SMU1: variants seen among roughly 807,000 people sequenced by gnomAD.
SMU1 encodes SMU1 DNA replication regulator and spliceosomal factor.
Under a neutral mutation model 62.0 loss-of-function variants are expected in SMU1, and 2 were observed. The ratio of observed to expected loss-of-function variants is 0.03; its 90% CI spans 0.01 to 0.10. The LOEUF (loss-of-function observed/expected upper bound fraction) is 0.10. Ranked by LOEUF, SMU1 falls within the 10% of genes least tolerant of loss-of-function variation. The probability of loss-of-function intolerance (pLI) is 1.00; values close to 1 mark genes in which losing one functional copy is unlikely to be tolerated. For missense variants in SMU1, 227 were observed against 622.1 expected (o/e 0.36, Z 6.76); for synonymous variants, 188 against 212.4 (o/e 0.89, Z 1.00).
intron 5 of SMU1, among the ~76,000 whole-genome samples, chr9:33,061,813 G>A (rs1169762600): frequency 6.6e-6 from 1 of 152,214 alleles, no homozygotes; most frequent in Non-Finnish European, 1.5e-5. Context: ...TGCAAGGGCA[G>A]ATGGTGGGCT....
chr9:33,062,093 C>T lies in SMU1; in HGVS notation c.586G>A (p.Val196Met). Residue 196 changes from valine (V) to methionine (M), a missense_variant, in exon 5 of 12, where the codon GTG (valine) becomes ATG (methionine). This residue lies in a region of SMU1 where 99 missense variants were observed against 270.3 expected (regional missense o/e 0.37). Transcript: ENST00000397149. ...TGTGTAGGAAACTTTTCTTCTTCCACATCTTTGACAGCTGCCTTGCCTCGA... is the reference window on the plus strand; with the variant it reads ...TGTGTAGGAAACTTTTCTTCTTCCATATCTTTGACAGCTGCCTTGCCTCGA... ...LFRGKAAVKD[V>M]EEEKFPTQLS... The T allele has an allele frequency of 1.2e-6, 2 of 1,614,082 alleles. No homozygotes were observed. Among genetic ancestry groups the T allele is most frequent in the Non-Finnish European group, 1.7e-6 (2 of 1,179,984 alleles).
intron 4 of SMU1, among the ~76,000 whole-genome samples, chr9:33,066,992 G>T (rs1451343707): frequency 6.6e-6 from 1 of 152,074 alleles, no homozygotes; most frequent in Admixed American, 6.6e-5. Context: ...GAAAAAAAAG[G>T]ACTTTTGACG....
At chr9:33,052,668 T>C (rs1442327133) in intron 10 of SMU1, among the ~76,000 whole-genome samples, 1 of 152,204 alleles carries the variant, frequency 6.6e-6, no homozygotes, top group Non-Finnish European at 1.5e-5. Flanking sequence ...AAAAGTGAGA[T>C]TCCTTGAGAA....
chr9:33,054,577 T>G (rs1386882588), intron 9 of SMU1, among the ~76,000 whole-genome samples: 1 of 152,206 alleles, frequency 6.6e-6, no homozygotes, highest in East Asian at 1.9e-4. Flanking sequence ...AAGGGTTAAA[T>G]CAGGTAGCAC....
intron 6 of SMU1, among the ~76,000 whole-genome samples, chr9:33,059,611 GT>G (rs1192025947): frequency 1.4e-5 from 2 of 145,006 alleles, no homozygotes; most frequent in Non-Finnish European, 1.5e-5. Context: ...GTTTTGTTTT[GT>G]TTTTTCCCCC....
intron 4 of SMU1, among the ~76,000 whole-genome samples, chr9:33,063,687 T>A (rs1359474268): frequency 2.0e-5 from 3 of 149,658 alleles, no homozygotes; most frequent in African/African-American, 4.9e-5. Flanking sequence ...TGAACCCTAT[T>A]TTGAAATGCG....
At chr9:33,063,509 T>A (rs1225923844) in intron 4 of SMU1, among the ~76,000 whole-genome samples, 1 of 152,236 alleles carries the variant, frequency 6.6e-6, no homozygotes, top group African/African-American at 2.4e-5. Flanking sequence ...ATTTTTGGTA[T>A]CATTTAAAAC....
Position 33,044,804 on chromosome 9 carries a change from C to A in SMU1, c.*2489G>T, listed in dbSNP as rs967152888. On this transcript the variant is annotated 3_prime_UTR_variant, in exon 12 of 12. Coordinates refer to ENST00000397149, the MANE Select transcript of SMU1 (RefSeq NM_018225.3). ...CGGCTCCTAATCCAGCTCTCTTTGCCTGGTCTCCCAAGACACCTATCATTT... is the reference window on the plus strand; with the variant it reads ...CGGCTCCTAATCCAGCTCTCTTTGCATGGTCTCCCAAGACACCTATCATTT... 6 of 152,200 alleles carry A rather than the reference C, an allele frequency of 3.9e-5. No individual in the cohort carries two copies. The highest frequency in any genetic ancestry group is 7.3e-5 in the Non-Finnish European group (5 of 68,058). 9.4% of individuals were successfully genotyped at this position (152,200 alleles called of 1,614,324 possible). A position where few individuals can be genotyped will look rare whatever the true frequency, so the allele number is the denominator to read the frequency against.
intron 9 of SMU1, among the ~76,000 whole-genome samples, chr9:33,053,984 A>G (rs968583068): frequency 1.3e-5 from 2 of 152,132 alleles, no homozygotes; most frequent in African/African-American, 4.8e-5. Context: ...CCTTGTCTGG[A>G]TATCAAAACC....
Position 33,046,258 on chromosome 9 carries a change from TC to T in SMU1, c.*1034del, listed in dbSNP as rs1839183338. Reference sequence around the variant, plus strand: ...ACATACAAAGGGGAGATGCCAAAACTCTGAATTCTTGTAACGGATCCTGCAA... The same window carrying T: ...ACATACAAAGGGGAGATGCCAAAACTTGAATTCTTGTAACGGATCCTGCAA... On this transcript the variant is annotated 3_prime_UTR_variant, in exon 12 of 12. Transcript: ENST00000397149. 1 of 152,142 alleles carries T rather than the reference TC, an allele frequency of 6.6e-6. No homozygotes were observed. Among genetic ancestry groups the T allele is most frequent in the South Asian group, 2.1e-4 (1 of 4,832 alleles). The allele number at this position is 152,142 out of a possible 1,614,324, so 9.4% of individuals were successfully genotyped here.
rs1416350041 is a variant in SMU1 at position 33,070,897 on chromosome 9, G to A, written c.390+843C>T. Among the ~76,000 whole-genome samples, 6 of 152,156 alleles carry A rather than the reference G, an allele frequency of 3.9e-5. No individual in the cohort carries two copies. The East Asian group carries it at 1.2e-3, about 29-fold the overall frequency. On this transcript the variant is annotated intron_variant, in intron 3 of 11. Transcript: ENST00000397149. Reference sequence around the variant, plus strand: ...AGGGTGGAGGTGGCGGGGGTAAGAAGGAAAGTGGGGATGGTTAATAGATAC... The same window carrying A: ...AGGGTGGAGGTGGCGGGGGTAAGAAAGAAAGTGGGGATGGTTAATAGATAC...
In SMU1 at chr9:33,062,132, T is replaced by C; in HGVS notation, c.547A>G (p.Thr183Ala). The C allele has an allele frequency of 6.2e-7, 1 of 1,613,920 alleles. No homozygotes were observed. ...QHQGLLPPGM[T>A]IDLFRGKAAV... ...GCCTTGCCTCGAAACAAATCTATGGTCATACCAGGAGGAAGCAATCCCTGA... is the reference window on the plus strand; with the variant it reads ...GCCTTGCCTCGAAACAAATCTATGGCCATACCAGGAGGAAGCAATCCCTGA... Residue 183 changes from threonine to alanine, a missense_variant, in exon 5 of 12, where the codon ACC becomes GCC. Thr to Ala is a moderately conservative substitution (Grantham distance 58). This residue lies in a region of SMU1 where 99 missense variants were observed against 270.3 expected (regional missense o/e 0.37). Coordinates refer to ENST00000397149, the MANE Select transcript of SMU1 (RefSeq NM_018225.3).
intron 4 of SMU1, among the ~76,000 whole-genome samples, chr9:33,063,371 A>G (rs1182657240): frequency 6.6e-6 from 1 of 152,234 alleles, no homozygotes; most frequent in African/African-American, 2.4e-5. Context: ...CAAAAAAAAA[A>G]GCCTAATTCA....
chr9:33,049,789 A>C (rs1033621458), intron 10 of SMU1, among the ~76,000 whole-genome samples: 3 of 100,606 alleles, frequency 3.0e-5, no homozygotes, highest in South Asian at 2.6e-4. Context: ...CACACACACA[A>C]AAGTCGGGCA....
At chr9:33,057,765 CA>C in intron 6 of SMU1, 51 bp from the exon 7 acceptor site, 1 of 1,604,168 alleles carries the variant, frequency 6.2e-7, no homozygotes, top group East Asian at 2.2e-5. Flanking sequence ...GCCAAGACCC[CA>C]GTTCTCTACA....
Position 33,043,729 on chromosome 9 carries a change from A to G in SMU1, c.*3564T>C, listed in dbSNP as rs1564017596. 1 of 152,260 alleles carries G rather than the reference A, an allele frequency of 6.6e-6. No individual in the cohort carries two copies. Among genetic ancestry groups the G allele is most frequent in the East Asian group, 1.9e-4 (1 of 5,206 alleles). 9.4% of individuals were successfully genotyped at this position (152,260 alleles called of 1,614,324 possible). A position where few individuals can be genotyped will look rare whatever the true frequency, so the allele number is the denominator to read the frequency against. ...ATTGAGAGTGAGGCAAGAGAGAAAAAAAACCTAGCTTCGGAGTCACATCTG... is the reference window on the plus strand; with the variant it reads ...ATTGAGAGTGAGGCAAGAGAGAAAAGAAACCTAGCTTCGGAGTCACATCTG... On this transcript the variant is annotated 3_prime_UTR_variant, in exon 12 of 12. Coordinates refer to ENST00000397149, the MANE Select transcript of SMU1 (RefSeq NM_018225.3).
intron 4 of SMU1, 69 bp from the exon 5 acceptor site, chr9:33,062,246 A>C: frequency 6.5e-7 from 1 of 1,530,760 alleles, no homozygotes; most frequent in Non-Finnish European, 8.7e-7. Flanking sequence ...AGTGCTCAGA[A>C]ACCAAGCCCG....
chr9:33,048,303 C>T lies in SMU1; in HGVS notation c.1291-45G>A, dbSNP rs904834071. 5.0e-6 allele frequency: 8 copies of T among 1,606,402 alleles called. No homozygotes were observed. The African/African-American group carries it at 8.1e-5, about 16-fold the overall frequency. On this transcript the variant is annotated intron_variant, in intron 10 of 11. Coordinates refer to ENST00000397149, the MANE Select transcript of SMU1 (RefSeq NM_018225.3). The stretch of plus-strand genomic sequence containing the variant: ...AAGAAAAAAACATCAGGATTAGTAG[C>T]AGCTCAACCATGTGCAGCATTTTAA...
chr9:33,057,807 A>G, intron 6 of SMU1, 93 bp from the exon 7 acceptor site: 1 of 1,529,562 alleles, frequency 6.5e-7, no homozygotes, highest in African/African-American at 1.4e-5. Context: ...AATGGATTGT[A>G]CCTACTCTAA....
Sources: allele counts gnomAD v4.1 joint callset (sites outside exome capture counted in the v4.1 genomes callset), GRCh38; gene constraint gnomAD v4.1.1; regional missense constraint gnomAD v4.1.1; transcripts MANE v1.5; gene names NCBI Gene and HGNC (gene_info 2026-07-23, HGNC 2026-07-21).